ATRIP: variants seen among roughly 807,000 people sequenced by gnomAD.
ATRIP encodes ATR interacting protein.
A neutral mutation model predicts 78.1 loss-of-function variants in ATRIP; 44 were observed. The observed-to-expected ratio is 0.56, with a 90% confidence interval of 0.44 to 0.72. The LOEUF is 0.72. Ranked by LOEUF, ATRIP falls within the 30% of genes least tolerant of loss-of-function variation. The pLI, the probability that ATRIP is intolerant of heterozygous loss-of-function variation, is 0.00. For synonymous variants in ATRIP, 388 were observed against 408.9 expected (o/e 0.95, Z 0.62); for missense variants, 927 against 980.2 (o/e 0.95, Z 0.72).
At chr3:48,455,570 A>G (rs2039934884) in intron 4 of ATRIP, among the ~76,000 whole-genome samples, 1 of 151,600 alleles carries the variant, frequency 6.6e-6, no homozygotes, top group Non-Finnish European at 1.5e-5. Context: ...GCTCACTGCA[A>G]CCTCCACCTC....
Position 48,466,678 on chromosome 3 carries a change from C to T in ATRIP, c.*1124C>T, listed in dbSNP as rs561454996. 8.7e-6 allele frequency: 14 copies of T among 1,614,044 alleles called. No homozygotes were observed. The highest frequency in any genetic ancestry group is 3.3e-5 in the South Asian group (3 of 91,070). ...ACCATGGGCTCGCAGGCCCTGCCCC[C>T]GGGGCCCATGCAGACCCTCATCTTT... On this transcript the variant is annotated 3_prime_UTR_variant, in exon 13 of 13. Transcript: ENST00000320211.
chr3:48,453,073 AG>A (rs1264733134), intron 3 of ATRIP, among the ~76,000 whole-genome samples: 2 of 151,932 alleles, frequency 1.3e-5, no homozygotes, highest in Non-Finnish European at 2.9e-5. Context: ...TGGTACAGAC[AG>A]GGTTTTGCTG....
intron 2 of ATRIP, 23 bp from the exon 3 acceptor site, chr3:48,451,706 C>T (rs780534119): frequency 5.8e-6 from 9 of 1,561,310 alleles, no homozygotes; most frequent in Admixed American, 3.8e-5. Context: ...AAAGTTTTCA[C>T]GAGATTAATT....
intron 4 of ATRIP, 98 bp downstream of exon 4, chr3:48,454,516 CCCT>C (rs1238748864): frequency 7.4e-6 from 6 of 810,092 alleles, no homozygotes; most frequent in African/African-American, 3.4e-5. Flanking sequence ...CCATTTAGAC[CCCT>C]CCACCTGGGC....
Position 48,466,724 on chromosome 3 carries a change from C to T in ATRIP, c.*1170C>T, listed in dbSNP as rs1373526164. 6.2e-7 allele frequency: 1 copy of T among 1,614,002 alleles called. No individual in the cohort carries two copies. Among genetic ancestry groups the T allele is most frequent in the African/African-American group, 1.3e-5 (1 of 74,938 alleles). ...TCTTTTTCGACATGGAGGCCACTGG[C>T]TTGCCCTTCTCCCAGCCCAAGGTCA... On this transcript the variant is annotated 3_prime_UTR_variant, in exon 13 of 13. Transcript: ENST00000320211.
chr3:48,446,815 C>G lies in ATRIP; in HGVS notation c.-31C>G. ...CTGGCGGCAGGCAAGTCTAGCTCGG[C>G]GCTGTCGGATACTTGGGGTGAGCGG... On this transcript the variant is annotated 5_prime_UTR_variant, in exon 1 of 13. Coordinates refer to ENST00000320211, the MANE Select transcript of ATRIP (RefSeq NM_130384.3). The G allele has an allele frequency of 1.4e-6, 2 of 1,382,376 alleles. No individual in the cohort carries two copies. Among genetic ancestry groups the G allele is most frequent in the South Asian group, 2.0e-5 (1 of 49,646 alleles). The allele number at this position is 1,382,376 out of a possible 1,614,324, so 85.6% of individuals were successfully genotyped here. A position where few individuals can be genotyped will look rare whatever the true frequency, so the allele number is the denominator to read the frequency against.
At position 48,467,389 on chromosome 3, in the gene ATRIP, C is replaced by CAT. The variant is rs1560113394; in HGVS notation, c.*1836_*1837dup. On this transcript the variant is annotated 3_prime_UTR_variant, in exon 13 of 13. Coordinates refer to ENST00000320211, the MANE Select transcript of ATRIP (RefSeq NM_130384.3). ...GCCTCTGCTAGGACCAAGCCAAGACCATCTGCTGTCACAACCACTGCACAC... is the reference window on the plus strand; with the variant it reads ...GCCTCTGCTAGGACCAAGCCAAGACCATATCTGCTGTCACAACCACTGCACAC... 6.2e-7 allele frequency: 1 copy of CAT among 1,614,222 alleles called. No homozygotes were observed. Among genetic ancestry groups the CAT allele is most frequent in the Non-Finnish European group, 8.5e-7 (1 of 1,180,040 alleles).
intron 5 of ATRIP, among the ~76,000 whole-genome samples, chr3:48,459,145 C>T (rs745685266): frequency 6.6e-6 from 1 of 152,178 alleles, no homozygotes; most frequent in Non-Finnish European, 1.5e-5. Context: ...TTGAGTGAGG[C>T]AAACAGCTTG....
At chr3:48,449,413 C>CAAA (rs1297709851) in intron 1 of ATRIP, among the ~76,000 whole-genome samples, 732 of 59,384 alleles carry the variant, frequency 0.012, 20 homozygotes, top group East Asian at 0.021. Context: ...GACTCTGTCT[C>CAAA]AAAAAAAAAA....
chr3:48,466,757 G>T lies in ATRIP; in HGVS notation c.*1203G>T. The T allele has an allele frequency of 1.2e-6, 2 of 1,613,944 alleles. No homozygotes were observed. The highest frequency in any genetic ancestry group is 2.2e-5 in the South Asian group (2 of 91,084). On this transcript the variant is annotated 3_prime_UTR_variant, in exon 13 of 13. Transcript: ENST00000320211. ...TCTCCCAGCCCAAGGTCACGGAGCTGTGCCTGCTGGCTGTCCACAGATGTG... is the reference window on the plus strand; with the variant it reads ...TCTCCCAGCCCAAGGTCACGGAGCTTTGCCTGCTGGCTGTCCACAGATGTG...
At position 48,466,540 on chromosome 3, in the gene ATRIP, A is replaced by G. The variant is rs1290962832; in HGVS notation, c.*986A>G. ...GGCAGGATTGTGCAGGGAAGGCCTG[A>G]GATGTGCTTCTGCCCACCCCCTACC... On this transcript the variant is annotated 3_prime_UTR_variant, in exon 13 of 13. Transcript: ENST00000320211. The G allele has an allele frequency of 6.2e-7, 1 of 1,613,866 alleles. No individual in the cohort carries two copies. The highest frequency in any genetic ancestry group is 1.3e-5 in the African/African-American group (1 of 74,986).
chr3:48,459,251 G>A (rs1446757945), intron 5 of ATRIP, 108 bp from the exon 6 acceptor site: 6 of 889,522 alleles, frequency 6.7e-6, no homozygotes, highest in Non-Finnish European at 1.1e-5. Flanking sequence ...TTTGTTCCAA[G>A]TTCGAAGAAG....
rs376959068 is a variant in ATRIP, at chr3:48,466,507, G to A, written c.*953G>A. The stretch of plus-strand genomic sequence containing the variant: ...TGCCTGAAAATGGGCCCTGGAGCTC[G>A]CAGACAGGGCAGGATTGTGCAGGGA... On this transcript the variant is annotated 3_prime_UTR_variant, in exon 13 of 13. Coordinates refer to ENST00000320211, the MANE Select transcript of ATRIP (RefSeq NM_130384.3). 31 of 1,613,862 alleles carry A rather than the reference G, an allele frequency of 1.9e-5. No homozygotes were observed. The highest frequency in any genetic ancestry group is 1.8e-4 in the Admixed American group (11 of 60,002).
intron 7 of ATRIP, 53 bp downstream of exon 7, chr3:48,459,969 A>G: frequency 6.3e-7 from 1 of 1,577,618 alleles, no homozygotes; most frequent in Non-Finnish European, 8.6e-7. Context: ...CCTGGAAGCA[A>G]ATTCCTTTCT....
chr3:48,451,189 C>CAAA (rs796597857), intron 2 of ATRIP, among the ~76,000 whole-genome samples: 1 of 142,112 alleles, frequency 7.0e-6, no homozygotes, highest in Non-Finnish European at 1.5e-5. Context: ...GACTCCGTCT[C>CAAA]AAAAAAAAAA....
At chr3:48,460,888 C>A in intron 8 of ATRIP, 89 bp downstream of exon 8, 1 of 1,260,186 alleles carries the variant, frequency 7.9e-7, no homozygotes, top group Admixed American at 2.3e-5. Context: ...TTGCTCACAT[C>A]TTGACTTATC....
rs79318303 is a variant in ATRIP at position 48,467,513 on chromosome 3, GCTGCTGGCCCCACTGGGT to G, written c.*1969_*1986del. 142 of 1,613,926 alleles carry G rather than the reference GCTGCTGGCCCCACTGGGT, an allele frequency of 8.8e-5. No homozygotes were observed. The highest frequency in any genetic ancestry group is 2.7e-4 in the South Asian group (25 of 91,096). ...ACCCTGGAGCCCTATCCAGGGAGGG[GCTGCTGGCCCCACTGGGT>G]CTGCTGGCCATCCTGACCTTGGCAG... is the stretch of plus-strand genomic sequence containing the variant. On this transcript the variant is annotated 3_prime_UTR_variant, in exon 13 of 13. Coordinates refer to ENST00000320211, the MANE Select transcript of ATRIP (RefSeq NM_130384.3).
At position 48,463,876 on chromosome 3, in the gene ATRIP, A is replaced by G; in HGVS notation, c.1877A>G (p.His626Arg). The change falls in exon 9 of 13, where the codon CAC becomes CGC. Residue 626 changes from histidine to arginine, a missense_variant. Physicochemically the swap from His to Arg is conservative, Grantham distance 29. Coordinates refer to ENST00000320211, the MANE Select transcript of ATRIP (RefSeq NM_130384.3). ...HDQLAPQLCS[H>R]SEGCLLLLLY... is the part of the protein sequence containing the mutation. Reference sequence around the variant, plus strand: ...CAGCTGGCACCTCAGCTCTGTTCCCACTCAGGTAAAGCAGGGTGGGGCGGG... The same window carrying G: ...CAGCTGGCACCTCAGCTCTGTTCCCGCTCAGGTAAAGCAGGGTGGGGCGGG... 1 of 1,613,738 alleles carries G rather than the reference A, an allele frequency of 6.2e-7. No individual in the cohort carries two copies. The highest frequency in any genetic ancestry group is 1.3e-5 in the African/African-American group (1 of 74,908).
At position 48,463,768 on chromosome 3, in the gene ATRIP, T is replaced by G; in HGVS notation, c.1769T>G (p.Leu590Arg). The change falls in exon 9 of 13, where the codon CTG becomes CGG. Residue 590 changes from leucine (L) to arginine (R), a missense_variant. Physicochemically the swap from Leu to Arg is moderately radical, Grantham distance 102. Coordinates refer to ENST00000320211, the MANE Select transcript of ATRIP (RefSeq NM_130384.3). ...AGGTTCCAGTGTGTGTTCCAAGTGC[T>G]GCCAAAGTGCCTCAGCCCAGAGACA... ...LPRFQCVFQV[L>R]PKCLSPETPL... 1 of 1,614,178 alleles carries G rather than the reference T, an allele frequency of 6.2e-7. No homozygotes were observed. The highest frequency in any genetic ancestry group is 8.5e-7 in the Non-Finnish European group (1 of 1,180,020).
Sources: allele counts gnomAD v4.1 joint callset (sites outside exome capture counted in the v4.1 genomes callset), GRCh38; gene constraint gnomAD v4.1.1; transcripts MANE v1.5; gene names NCBI Gene and HGNC (gene_info 2026-07-23, HGNC 2026-07-21).